Variants in TAOK1 observed in about 807,000 individuals in gnomAD.
The protein encoded by TAOK1 is TAO kinase 1.
Under a neutral mutation model 138.3 loss-of-function variants are expected in TAOK1, and 21 were observed. The ratio of observed to expected loss-of-function variants is 0.15; its 90% confidence interval spans 0.11 to 0.22. The LOEUF (loss-of-function observed/expected upper bound fraction) is 0.22. Among genes scored for constraint, TAOK1 ranks in the 10% least tolerant of loss-of-function variants. The pLI is 1.00. For missense variants in TAOK1, 651 were observed against 1,227.7 expected, an observed-to-expected ratio of 0.53 and a Z score of 7.02; for synonymous variants, 361 against 398.4, an observed-to-expected ratio of 0.91 and a Z score of 1.12.
At chr17:29,469,225 C>T (rs2030755585) in intron 3 of TAOK1, among the ~76,000 whole-genome samples, 1 of 151,104 alleles carries the variant, frequency 6.6e-6, no homozygotes, top group South Asian at 2.1e-4. Context: ...TCCCCCGCCC[C>T]ATCTCAGTCA....
At chr17:29,443,317 C>T (rs1241063314) in intron 1 of TAOK1, among the ~76,000 whole-genome samples, 1 of 152,138 alleles carries the variant, frequency 6.6e-6, no homozygotes, top group Non-Finnish European at 1.5e-5. Context: ...TTATCAGTAC[C>T]TTCCCCCATC....
chr17:29,392,162 GGCGA>G (rs1904453613), intron 1 of TAOK1, among the ~76,000 whole-genome samples: 1 of 152,152 alleles, frequency 6.6e-6, no homozygotes, highest in African/African-American at 2.4e-5. Flanking sequence ...GTTGCAGTGA[GGCGA>G]GATGGTGCCA....
At chr17:29,541,944 G>C (rs8081635) in intron 19 of TAOK1, among the ~76,000 whole-genome samples, 1 of 151,300 alleles carries the variant, frequency 6.6e-6, no homozygotes, top group Non-Finnish European at 1.5e-5. Flanking sequence ...GCACGATCTC[G>C]GCTCACTGCA....
At chr17:29,537,927 C>T (rs532863454) in intron 19 of TAOK1, among the ~76,000 whole-genome samples, 17 of 151,974 alleles carry the variant, frequency 1.1e-4, no homozygotes, top group East Asian at 3.9e-4. Context: ...GCCTGGCCAA[C>T]GTGGTGAAAC....
chr17:29,534,217 A>T lies in TAOK1; in HGVS notation c.2461A>T (p.Met821Leu). The change falls in exon 19 of 20, where the codon ATG (methionine) becomes TTG (leucine). Residue 821 changes from methionine to leucine, a missense_variant. Physicochemically the swap from Met to Leu is conservative, Grantham distance 15 (BLOSUM62 2). Around this residue, in one of 8 missense-constraint regions of TAOK1, gnomAD observed 258 missense variants for 548.9 expected, o/e 0.47. Coordinates refer to ENST00000261716, the MANE Select transcript of TAOK1 (RefSeq NM_020791.4). ...GAATGCGTATCAGAGCAAAATCAAG[A>T]TGCAAGCTGAGGCACAACATGATCG... is the stretch of plus-strand genomic sequence containing the variant. The part of the protein sequence containing the change: ...LLNAYQSKIK[M>L]QAEAQHDREL... 1 of 1,613,746 alleles carries T rather than the reference A, an allele frequency of 6.2e-7. No homozygotes were observed. The highest frequency in any genetic ancestry group is 8.5e-7 in the Non-Finnish European group (1 of 1,179,862).
intron 3 of TAOK1, among the ~76,000 whole-genome samples, chr17:29,473,098 C>T (rs1172641521): frequency 6.6e-6 from 1 of 152,148 alleles, no homozygotes; most frequent in Non-Finnish European, 1.5e-5. Context: ...TTCACTAAAC[C>T]ATGCTTAAAT....
chr17:29,470,224 A>G (rs973254733), intron 3 of TAOK1, among the ~76,000 whole-genome samples: 126 of 152,308 alleles, frequency 8.3e-4, no homozygotes, highest in African/African-American at 3.0e-3. Flanking sequence ...GATGTGGCCT[A>G]AGTATTTAAG....
chr17:29,391,370 C>T (rs1409006734), intron 1 of TAOK1, among the ~76,000 whole-genome samples: 1 of 152,098 alleles, frequency 6.6e-6, no homozygotes. Context: ...TCCTCTTCTC[C>T]TTTGTAGTGT....
chr17:29,515,790 C>T (rs544924798), intron 15 of TAOK1, among the ~76,000 whole-genome samples: 30 of 151,070 alleles, frequency 2.0e-4, no homozygotes, highest in Middle Eastern at 3.4e-3. Context: ...GAGCCGAGAT[C>T]GCGCCACTGC....
chr17:29,453,589 T>C (rs1042892378), intron 2 of TAOK1, among the ~76,000 whole-genome samples: 3 of 150,758 alleles, frequency 2.0e-5, no homozygotes, highest in Non-Finnish European at 3.0e-5. Flanking sequence ...TTGTTTTTGT[T>C]GTTTTGAGAC....
intron 1 of TAOK1, among the ~76,000 whole-genome samples, chr17:29,439,539 T>C (rs1402668884): frequency 3.9e-5 from 6 of 152,128 alleles, no homozygotes; most frequent in Admixed American, 2.0e-4. Context: ...TTTTACCCAA[T>C]CTGGGATTCA....
chr17:29,447,084 G>A (rs989077871), intron 1 of TAOK1, among the ~76,000 whole-genome samples: 3 of 150,040 alleles, frequency 2.0e-5, no homozygotes, highest in Non-Finnish European at 4.4e-5. Context: ...TGTTTCCCAG[G>A]CTGGAGTGCA....
chr17:29,497,925 A>T (rs545793074), intron 11 of TAOK1, among the ~76,000 whole-genome samples: 39 of 151,062 alleles, frequency 2.6e-4, no homozygotes, highest in South Asian at 6.2e-4. Flanking sequence ...TTTTTTTTTT[A>T]AAAGGAGAGA....
In TAOK1 at chr17:29,547,681, G is replaced by A. The variant is rs982221030; in HGVS notation, c.*4659G>A. The A allele has an allele frequency of 2.0e-5, 3 of 152,088 alleles. No homozygotes were observed. The highest frequency in any genetic ancestry group is 4.8e-5 in the African/African-American group (2 of 41,432). The allele number at this position is 152,088 out of a possible 1,614,324, so 9.4% of individuals were successfully genotyped here. A position where few individuals can be genotyped will look rare whatever the true frequency, so the allele number is the denominator to read the frequency against. Reference sequence around the variant, plus strand: ...AAACTTGGGCTGTCATCTTTGAGCTGTTTACCAAAATACAGACCATTATTG... The same window carrying A: ...AAACTTGGGCTGTCATCTTTGAGCTATTTACCAAAATACAGACCATTATTG... On this transcript the variant is annotated 3_prime_UTR_variant, in exon 20 of 20. Coordinates refer to ENST00000261716, the MANE Select transcript of TAOK1 (RefSeq NM_020791.4).
intron 1 of TAOK1, among the ~76,000 whole-genome samples, chr17:29,398,673 G>T (rs1162478126): frequency 6.6e-6 from 1 of 151,910 alleles, no homozygotes; most frequent in East Asian, 1.9e-4. Context: ...GGGATTATAG[G>T]CATGTGCCAC....
intron 1 of TAOK1, among the ~76,000 whole-genome samples, chr17:29,402,731 A>G (rs1904884818): frequency 6.6e-6 from 1 of 152,174 alleles, no homozygotes; most frequent in South Asian, 2.1e-4. Flanking sequence ...AATTAAGTAT[A>G]TTAAGTATAT....
intron 2 of TAOK1, among the ~76,000 whole-genome samples, chr17:29,463,016 T>G (rs1411594327): frequency 6.6e-6 from 1 of 152,202 alleles, no homozygotes; most frequent in Non-Finnish European, 1.5e-5. Flanking sequence ...AACAAACACT[T>G]TTGCAAGCTT....
intron 1 of TAOK1, among the ~76,000 whole-genome samples, chr17:29,411,448 A>G (rs1165717836): frequency 2.0e-5 from 3 of 148,148 alleles, no homozygotes; most frequent in Admixed American, 1.4e-4. Context: ...CTGGAGTGCA[A>G]TGGTAGGATC....
At chr17:29,425,966 C>A (rs191281795) in intron 1 of TAOK1, among the ~76,000 whole-genome samples, 64 of 152,304 alleles carry the variant, frequency 4.2e-4, no homozygotes, top group African/African-American at 1.3e-3. Context: ...CTGCAAGCTC[C>A]GCCTTCTGGG....
Sources: allele counts gnomAD v4.1 joint callset (sites outside exome capture counted in the v4.1 genomes callset), GRCh38; gene constraint gnomAD v4.1.1; regional missense constraint gnomAD v4.1.1; transcripts MANE v1.5; gene names NCBI Gene and HGNC (gene_info 2026-07-23, HGNC 2026-07-21).